UNC13B: variants seen among roughly 807,000 people sequenced by gnomAD.
The protein encoded by UNC13B is protein unc-13 homolog B.
Under a neutral mutation model 211.0 loss-of-function variants are expected in UNC13B, and 144 were observed. The observed-to-expected ratio is 0.68, with a 90% CI of 0.60 to 0.78. UNC13B has a LOEUF of 0.78. UNC13B is among the 30% of genes least tolerant of loss of function. The probability of loss-of-function intolerance (pLI) is 0.00; values close to 1 mark genes in which losing one functional copy is unlikely to be tolerated. For synonymous variants in UNC13B, 709 were observed against 725.8 expected, an observed-to-expected ratio of 0.98 and a Z score of 0.37; for missense variants, 1,777 against 2,002.0, an observed-to-expected ratio of 0.89 and a Z score of 2.14.
At chr9:35,289,003 G>A (rs4391515) in intron 7 of UNC13B, among the ~76,000 whole-genome samples, 143,043 of 150,724 alleles carry the variant, frequency 0.95, 68,168 homozygotes, top group East Asian at 1. Context: ...TCTACAGGAG[G>A]GTTTTTTTTT....
In UNC13B at chr9:35,382,344, C is replaced by T; in HGVS notation, c.10656-13C>T. 1 of 1,608,160 alleles carries T rather than the reference C, an allele frequency of 6.2e-7. No homozygotes were observed. The highest frequency in any genetic ancestry group is 8.5e-7 in the Non-Finnish European group (1 of 1,177,728). ...TGAAGAGTCTTTGAGGCTGCGGGTG[C>T]TGTGTTTTTCAGGCACTTTGCATGT... On this transcript the variant is annotated splice_polypyrimidine_tract_variant and intron_variant, in intron 20 of 39. Coordinates refer to ENST00000635942, the MANE Select transcript of UNC13B (RefSeq NM_001371189.2).
intron 1 of UNC13B, among the ~76,000 whole-genome samples, chr9:35,165,852 T>G (rs186103018): frequency 6.6e-6 from 1 of 152,332 alleles, no homozygotes; most frequent in East Asian, 1.9e-4. Context: ...ATACTTTTTT[T>G]GGGCTTCCAT....
intron 13 of UNC13B, among the ~76,000 whole-genome samples, chr9:35,374,521 A>G (rs1273988604): frequency 2.0e-5 from 3 of 151,410 alleles, no homozygotes; most frequent in Admixed American, 1.3e-4. Flanking sequence ...CCCCTATGCA[A>G]GAGTGTGGCT....
chr9:35,178,698 G>A (rs1436130992), intron 1 of UNC13B, among the ~76,000 whole-genome samples: 4 of 151,288 alleles, frequency 2.6e-5, no homozygotes, highest in Admixed American at 1.3e-4. Context: ...TGAGACCAGC[G>A]TGGCCAACAT....
chr9:35,328,824 G>A (rs539947758), intron 11 of UNC13B, among the ~76,000 whole-genome samples: 56 of 150,964 alleles, frequency 3.7e-4, no homozygotes, highest in African/African-American at 1.3e-3. Flanking sequence ...CTGGAGTGCA[G>A]TAGTGTGATC....
chr9:35,199,223 T>A (rs1287909275), intron 1 of UNC13B, among the ~76,000 whole-genome samples: 1 of 152,222 alleles, frequency 6.6e-6, no homozygotes, highest in Non-Finnish European at 1.5e-5. Context: ...GTGCCACATT[T>A]TCTTAATCCG....
At chr9:35,325,737 T>TA (rs1340107550) in intron 11 of UNC13B, among the ~76,000 whole-genome samples, 5 of 152,238 alleles carry the variant, frequency 3.3e-5, no homozygotes, top group African/African-American at 1.2e-4. Flanking sequence ...GATTACTCCC[T>TA]ATTCCCTTTT....
At chr9:35,384,439 C>T (rs1835057183) in intron 22 of UNC13B, 125 bp downstream of exon 22, 1 of 1,457,190 alleles carries the variant, frequency 6.9e-7, no homozygotes, top group Non-Finnish European at 9.1e-7. Context: ...CACATCCACC[C>T]AAATGGCCAA....
chr9:35,266,301 T>C (rs1404592672), intron 7 of UNC13B, among the ~76,000 whole-genome samples: 2 of 152,248 alleles, frequency 1.3e-5, no homozygotes, highest in African/African-American at 4.8e-5. Context: ...GCCCCTCCAC[T>C]ACCCAGTGTG....
chr9:35,222,851 C>G (rs979358617), intron 1 of UNC13B, among the ~76,000 whole-genome samples: 1 of 152,176 alleles, frequency 6.6e-6, no homozygotes, highest in South Asian at 2.1e-4. Flanking sequence ...TCTTCACCAC[C>G]CTTCTCCCCC....
chr9:35,394,133 G>T (rs184380681), intron 26 of UNC13B, among the ~76,000 whole-genome samples: 1 of 152,094 alleles, frequency 6.6e-6, no homozygotes. Context: ...AGGGGCTGGC[G>T]ATTTAACTGG....
intron 1 of UNC13B, among the ~76,000 whole-genome samples, chr9:35,185,866 C>T (rs574969474): frequency 5.8e-4 from 87 of 150,688 alleles, no homozygotes; most frequent in African/African-American, 1.7e-3. Flanking sequence ...TGCAGTGAGC[C>T]GAGATCATGC....
intron 11 of UNC13B, among the ~76,000 whole-genome samples, chr9:35,345,860 G>A (rs1276772134): frequency 1.3e-5 from 2 of 152,174 alleles, no homozygotes; most frequent in Non-Finnish European, 2.9e-5. Context: ...TCATGCCACT[G>A]TCTTTTAACT....
intron 1 of UNC13B, among the ~76,000 whole-genome samples, chr9:35,225,148 T>C (rs1329435225): frequency 6.6e-6 from 1 of 152,040 alleles, no homozygotes; most frequent in Non-Finnish European, 1.5e-5. Flanking sequence ...CCCATATTTA[T>C]TGTGTTCTTG....
At chr9:35,321,994 ATT>A (rs1830760355) in intron 11 of UNC13B, among the ~76,000 whole-genome samples, 1 of 152,222 alleles carries the variant, frequency 6.6e-6, no homozygotes, top group Admixed American at 6.5e-5. Flanking sequence ...ATTATCTGTG[ATT>A]TGAATATATC....
intron 7 of UNC13B, among the ~76,000 whole-genome samples, chr9:35,268,112 A>G (rs1467535217): frequency 6.6e-6 from 1 of 152,068 alleles, no homozygotes; most frequent in Non-Finnish European, 1.5e-5. Flanking sequence ...CTCCACTCCC[A>G]TTCTTGTAGG....
Position 35,400,458 on chromosome 9 carries a change from G to C in UNC13B, c.12484+15G>C. On this transcript the variant is annotated intron_variant, in intron 37 of 39. Coordinates refer to ENST00000635942, the MANE Select transcript of UNC13B (RefSeq NM_001371189.2). ...GACCACCCAAGGTAAGGCCCTGAGG[G>C]CTTTGGGTATCCACCTCTCCTCTCT... 1 of 1,608,500 alleles carries C rather than the reference G, an allele frequency of 6.2e-7. No individual in the cohort carries two copies. Among genetic ancestry groups the C allele is most frequent in the Non-Finnish European group, 8.5e-7 (1 of 1,177,054 alleles).
At chr9:35,353,951 T>A in intron 11 of UNC13B, 1 of 466,596 alleles carries the variant, frequency 2.1e-6, no homozygotes, top group Non-Finnish European at 3.5e-6. Flanking sequence ...ATTACTCAAG[T>A]AGAGAGCTTA....
In UNC13B at chr9:35,398,864, C is replaced by CT; in HGVS notation, c.11922-17dup. On this transcript the variant is annotated splice_polypyrimidine_tract_variant and intron_variant, in intron 32 of 39. Coordinates refer to ENST00000635942, the MANE Select transcript of UNC13B (RefSeq NM_001371189.2). ...TGTGTTTGGGGAGGGAAAGGCTACACTGCGGGCACATGTGTAGTTTCCAGG... is the reference window on the plus strand; with the variant it reads ...TGTGTTTGGGGAGGGAAAGGCTACACTTGCGGGCACATGTGTAGTTTCCAGG... 6.2e-7 allele frequency: 1 copy of CT among 1,609,180 alleles called. No homozygotes were observed. The highest frequency in any genetic ancestry group is 8.5e-7 in the Non-Finnish European group (1 of 1,176,568).
Sources: gnomAD v4.1 joint callset for allele counts (sites outside exome capture counted in the v4.1 genomes callset) on GRCh38, gnomAD v4.1.1 for gene constraint, MANE v1.5 for transcripts, NCBI Gene and HGNC (gene_info 2026-07-23, HGNC 2026-07-21) for gene names.